XPR1: variants seen among roughly 807,000 people sequenced by gnomAD.
The protein encoded by XPR1 is xenotropic and polytropic retrovirus receptor 1.
In XPR1, 28 loss-of-function variants were observed where a neutral mutation model predicts 87.5. That is an observed-to-expected ratio of 0.32 (90% CI 0.24 to 0.44). The LOEUF is 0.44. XPR1 is among the 20% of genes least tolerant of loss of function. The pLI is 1.00. For missense variants in XPR1, 559 were observed against 862.3 expected, an observed-to-expected ratio of 0.65 and a Z score of 4.41; for synonymous variants, 300 against 306.1, an observed-to-expected ratio of 0.98 and a Z score of 0.21.
intron 1 of XPR1, among the ~76,000 whole-genome samples, chr1:180,675,824 A>G (rs926065754): frequency 8.5e-5 from 13 of 152,162 alleles, no homozygotes; most frequent in Middle Eastern, 3.2e-3. Context: ...AATATAGACA[A>G]TACTTCAGAG....
intron 1 of XPR1, among the ~76,000 whole-genome samples, chr1:180,677,835 C>T (rs993434259): frequency 1.3e-5 from 2 of 152,154 alleles, no homozygotes; most frequent in Admixed American, 6.5e-5. Context: ...TTGGTCTATG[C>T]CCTGGAATGA....
chr1:180,882,967 G>GTTTTTTTTTTTTTT lies in XPR1; in HGVS notation c.2031-1037_2031-1036insTTTTTTTTTTTTTT, dbSNP rs1156645233. Among the ~76,000 whole-genome samples, 307 of 150,456 alleles carry GTTTTTTTTTTTTTT rather than the reference G, an allele frequency of 2.0e-3. 4 individuals are homozygous for GTTTTTTTTTTTTTT. The highest frequency in any genetic ancestry group is 7.1e-3 in the African/African-American group (287 of 40,326). ...TCTTATATTTGTTTTTTGGGGGTTG[G>GTTTTTTTTTTTTTT]TTGTTTTTTTTTGGAGACATGGTCT... On this transcript the variant is annotated intron_variant, in intron 14 of 14. Transcript: ENST00000367590.
intron 1 of XPR1, among the ~76,000 whole-genome samples, chr1:180,655,712 A>C (rs59659013): frequency 2.0e-5 from 3 of 151,960 alleles, no homozygotes; most frequent in African/African-American, 7.3e-5. Flanking sequence ...TTAGAGTTTT[A>C]TAGCTTTAAG....
chr1:180,765,688 T>G (rs550504807), intron 2 of XPR1, among the ~76,000 whole-genome samples: 1 of 152,378 alleles, frequency 6.6e-6, no homozygotes, highest in African/African-American at 2.4e-5. Context: ...ATGTAAATAC[T>G]ATGTAAATAG....
chr1:180,777,221 C>T (rs1489933182), intron 2 of XPR1, among the ~76,000 whole-genome samples: 1 of 152,118 alleles, frequency 6.6e-6, no homozygotes, highest in African/African-American at 2.4e-5. Context: ...TCTCCAGTGC[C>T]CTCACCCTAG....
intron 4 of XPR1, among the ~76,000 whole-genome samples, chr1:180,805,128 G>C (rs765364834): frequency 2.0e-5 from 3 of 152,192 alleles, no homozygotes; most frequent in Non-Finnish European, 4.4e-5. Flanking sequence ...GAGAAAGGAA[G>C]ATTGATTAAA....
chr1:180,722,510 CTG>C (rs1274980245), intron 2 of XPR1, among the ~76,000 whole-genome samples: 3 of 152,178 alleles, frequency 2.0e-5, no homozygotes, highest in Non-Finnish European at 4.4e-5. Flanking sequence ...AGAAATGAGA[CTG>C]TGCATTTCAT....
intron 1 of XPR1, among the ~76,000 whole-genome samples, chr1:180,681,461 C>T (rs1053356410): frequency 3.3e-5 from 5 of 152,044 alleles, no homozygotes; most frequent in South Asian, 2.1e-4. Context: ...CTGGCTAACA[C>T]GGTGAAACTC....
intron 2 of XPR1, among the ~76,000 whole-genome samples, chr1:180,774,775 TA>T (rs1221953251): frequency 6.6e-6 from 1 of 152,168 alleles, no homozygotes; most frequent in Non-Finnish European, 1.5e-5. Flanking sequence ...TCTTTAGCTA[TA>T]TGTCTTAGTC....
At chr1:180,638,475 G>T (rs1654858408) in intron 1 of XPR1, among the ~76,000 whole-genome samples, 1 of 152,106 alleles carries the variant, frequency 6.6e-6, no homozygotes, top group African/African-American at 2.4e-5. Context: ...CTTGCCCAGT[G>T]TATTTGCCTT....
chr1:180,656,379 ATATTCATG>A (rs1557941160), intron 1 of XPR1, among the ~76,000 whole-genome samples: 8 of 90,076 alleles, frequency 8.9e-5, no homozygotes, highest in African/African-American at 3.5e-4. Context: ...TTTATATATA[ATATTCATG>A]TATTTATATA....
intron 1 of XPR1, among the ~76,000 whole-genome samples, chr1:180,675,438 A>G (rs1464232807): frequency 2.0e-5 from 3 of 152,210 alleles, no homozygotes; most frequent in South Asian, 2.1e-4. Context: ...CTGCCGAGGA[A>G]CAAAAGGAAA....
At chr1:180,766,648 G>A (rs185875562) in intron 2 of XPR1, among the ~76,000 whole-genome samples, 1 of 152,196 alleles carries the variant, frequency 6.6e-6, no homozygotes, top group East Asian at 1.9e-4. Flanking sequence ...TGGAGAATAA[G>A]TTCAGAGTTC....
In XPR1 at chr1:180,632,027, G is replaced by A. The variant is rs967338995; in HGVS notation, c.-175G>A. 1.4e-6 allele frequency: 1 copy of A among 707,700 alleles called. No homozygotes were observed. The highest frequency in any genetic ancestry group is 2.5e-6 in the Non-Finnish European group (1 of 400,110). The allele number at this position is 707,700 out of a possible 1,614,324, so 43.8% of individuals were successfully genotyped here. ...GGGCGGGGAGGGGCGGGGCTATGGA[G>A]AGGAGGAGGAAGATGGCGGGCGGGC... is the stretch of plus-strand genomic sequence containing the variant. On this transcript the variant is annotated 5_prime_UTR_variant, in exon 1 of 15. Coordinates refer to ENST00000367590, the MANE Select transcript of XPR1 (RefSeq NM_004736.4).
At chr1:180,772,907 A>G (rs932355869) in intron 2 of XPR1, among the ~76,000 whole-genome samples, 1 of 152,160 alleles carries the variant, frequency 6.6e-6, no homozygotes, top group South Asian at 2.1e-4. Flanking sequence ...CTGTATTTCT[A>G]TATCTATTTG....
intron 2 of XPR1, among the ~76,000 whole-genome samples, chr1:180,775,516 T>C (rs1648681067): frequency 6.6e-6 from 1 of 152,232 alleles, no homozygotes; most frequent in South Asian, 2.1e-4. Flanking sequence ...TTTTGTTTGC[T>C]TTGTTTATTG....
intron 2 of XPR1, among the ~76,000 whole-genome samples, chr1:180,763,436 C>T (rs1302647672): frequency 1.3e-5 from 2 of 152,156 alleles, no homozygotes; most frequent in African/African-American, 4.8e-5. Flanking sequence ...GACCTCCTTA[C>T]ATATGCAAAA....
At chr1:180,673,439 CA>C (rs1484477346) in intron 1 of XPR1, among the ~76,000 whole-genome samples, 1 of 152,152 alleles carries the variant, frequency 6.6e-6, no homozygotes, top group Non-Finnish European at 1.5e-5. Flanking sequence ...GTGTTCACAT[CA>C]GCAATCATCT....
chr1:180,774,948 T>C (rs1648655595), intron 2 of XPR1, among the ~76,000 whole-genome samples: 1 of 152,232 alleles, frequency 6.6e-6, no homozygotes, highest in African/African-American at 2.4e-5. Context: ...CATCTTGTTG[T>C]TGTGTCCTCT....
Sources: allele counts gnomAD v4.1 joint callset (sites outside exome capture counted in the v4.1 genomes callset), GRCh38; gene constraint gnomAD v4.1.1; transcripts MANE v1.5; gene names NCBI Gene and HGNC (gene_info 2026-07-23, HGNC 2026-07-21).